Variants in RBSN observed in about 807,000 individuals in gnomAD.
RBSN encodes the protein rabenosyn-5.
RBSN carries 34 observed loss-of-function variants against 60.5 expected under a neutral mutation model. The observed-to-expected ratio is 0.56, with a 90% CI of 0.43 to 0.75. The LOEUF is 0.75. Among genes scored for constraint, RBSN ranks in the 30% least tolerant of loss-of-function variants. RBSN has a pLI of 0.00. For missense variants in RBSN, 845 were observed against 986.8 expected, an observed-to-expected ratio of 0.86 and a Z score of 1.92; for synonymous variants, 322 against 366.9, an observed-to-expected ratio of 0.88 and a Z score of 1.40.
Position 15,074,799 on chromosome 3 carries a change from C to T in RBSN, c.1338G>A (p.Leu446=), listed in dbSNP as rs1164383668. 2 of 1,614,254 alleles carry T rather than the reference C, an allele frequency of 1.2e-6. No individual in the cohort carries two copies. Among genetic ancestry groups the T allele is most frequent in the African/African-American group, 1.3e-5 (1 of 75,082 alleles). ...CCTCACTCTGCCCCTGACCTCCTGA[C>T]AGTGGGAGCCAGCCCTCAGCCTTTC... ...PLRKAEGWLP[L]SGGQGQSEDS... Residue 446 remains leucine (L), a synonymous_variant, in exon 14 of 14, where the codon CTG becomes CTA. Coordinates refer to ENST00000253699, the MANE Select transcript of RBSN (RefSeq NM_022340.4). The surrounding 1 kb of genome is among the most constrained non-coding windows in gnomAD (Gnocchi z 6.4).
intron 4 of RBSN, among the ~76,000 whole-genome samples, chr3:15,092,752 T>C (rs1229642707): frequency 6.6e-6 from 1 of 152,178 alleles, no homozygotes; most frequent in East Asian, 1.9e-4. Flanking sequence ...GAAAACTGCC[T>C]GATGTGAACA....
chr3:15,090,596 C>A, intron 4 of RBSN, 57 bp from the exon 5 acceptor site: 3 of 1,556,188 alleles, frequency 1.9e-6, no homozygotes, highest in Admixed American at 2.1e-5. Flanking sequence ...AGTAAACAGT[C>A]AAAAGAAATC....
In RBSN at chr3:15,084,275, C is replaced by T. The variant is rs9856371; in HGVS notation, c.598+460G>A. Among the ~76,000 whole-genome samples, 1,684 of 152,236 alleles carry T rather than the reference C, an allele frequency of 0.011. 26 individuals are homozygous for T. The highest frequency in any genetic ancestry group is 0.037 in the African/African-American group (1,555 of 41,534). ...CTAGGACTACAGGCACATGCCACCA[C>T]GCCAGGCTAATTTTTGTATTTTTAT... is the stretch of plus-strand genomic sequence containing the variant. On this transcript the variant is annotated intron_variant, in intron 8 of 13. Transcript: ENST00000253699. This position sits in a 1 kb window ranked among gnomAD's most constrained non-coding sequence, Gnocchi z 4.2.
rs1285756121 is a variant in RBSN, at chr3:15,071,345, C to T, written c.*2437G>A. 2 of 152,224 alleles carry T rather than the reference C, an allele frequency of 1.3e-5. No individual in the cohort carries two copies. Among genetic ancestry groups the T allele is most frequent in the Non-Finnish European group, 2.9e-5 (2 of 68,026 alleles). 9.4% of individuals were successfully genotyped at this position (152,224 alleles called of 1,614,324 possible). On this transcript the variant is annotated 3_prime_UTR_variant, in exon 14 of 14. Transcript: ENST00000253699. ...GGAACTACCTGCTTTTCAGTTCATC[C>T]TCTTTTCAGAGAAATGAGACCCTAA...
Position 15,090,547 on chromosome 3 carries a change from A to G in RBSN, c.149-8T>C. ...TAGCCTTCTGGACAAGACCTTGAAAAATGGAACAAATAATACAAATGAGCC... is the reference window on the plus strand; with the variant it reads ...TAGCCTTCTGGACAAGACCTTGAAAGATGGAACAAATAATACAAATGAGCC... On this transcript the variant is annotated splice_region_variant and splice_polypyrimidine_tract_variant and intron_variant, in intron 4 of 13. Transcript: ENST00000253699. 1 of 1,613,100 alleles carries G rather than the reference A, an allele frequency of 6.2e-7. No individual in the cohort carries two copies. Among genetic ancestry groups the G allele is most frequent in the Non-Finnish European group, 8.5e-7 (1 of 1,179,764 alleles).
rs2043288492 is a variant in RBSN, at chr3:15,084,578, G to A, written c.598+157C>T. Reference sequence around the variant, plus strand: ...TCCCTGGCCCCTAGCATAGTACCTAGTCTGTAGTGGGTTTCACAGAAACAG... The same window carrying A: ...TCCCTGGCCCCTAGCATAGTACCTAATCTGTAGTGGGTTTCACAGAAACAG... On this transcript the variant is annotated intron_variant, in intron 8 of 13. Transcript: ENST00000253699. The surrounding 1 kb of genome is among the most constrained non-coding windows in gnomAD (Gnocchi z 4.2). 6.6e-6 allele frequency among the ~76,000 whole-genome samples: 1 copy of A among 152,172 alleles called. No individual in the cohort carries two copies. Among genetic ancestry groups the A allele is most frequent in the African/African-American group, 2.4e-5 (1 of 41,434 alleles).
chr3:15,090,290 T>C, intron 5 of RBSN, 109 bp downstream of exon 5: 2 of 1,225,644 alleles, frequency 1.6e-6, no homozygotes, highest in Non-Finnish European at 2.3e-6. Flanking sequence ...ATGAGAAGCT[T>C]AGACCATTAT....
At position 15,079,953 on chromosome 3, in the gene RBSN, A is replaced by G. The variant is rs1439632154; in HGVS notation, c.911+779T>C. On this transcript the variant is annotated intron_variant, in intron 10 of 13. Coordinates refer to ENST00000253699, the MANE Select transcript of RBSN (RefSeq NM_022340.4). ...AACTACATCTCAATTTTAAAAAAGA[A>G]GCAGATGTTGGCCAGACACGGTGGC... Among the ~76,000 whole-genome samples the G allele has an allele frequency of 3.3e-5, 5 of 152,348 alleles. No individual in the cohort carries two copies. In the East Asian group the frequency reaches 7.7e-4, roughly 23 times the overall value.
Position 15,084,958 on chromosome 3 carries a change from A to G in RBSN, c.436+42T>C. 6.2e-7 allele frequency: 1 copy of G among 1,614,128 alleles called. No individual in the cohort carries two copies. Among genetic ancestry groups the G allele is most frequent in the Non-Finnish European group, 8.5e-7 (1 of 1,179,990 alleles). On this transcript the variant is annotated intron_variant, in intron 7 of 13. Transcript: ENST00000253699. This position sits in a 1 kb window ranked among gnomAD's most constrained non-coding sequence, Gnocchi z 4.2. ...TTTAAAGAGAGCTTTGGTCAGGGAA[A>G]AAAAGATAATAAGATGAATGTGAGC...
Position 15,085,042 on chromosome 3 carries a change from T to C in RBSN, c.394A>G (p.Thr132Ala), listed in dbSNP as rs764545082. Residue 132 changes from threonine to alanine, a missense_variant, in exon 7 of 14, where the codon ACT (threonine) becomes GCT (alanine). Coordinates refer to ENST00000253699, the MANE Select transcript of RBSN (RefSeq NM_022340.4). ...NKLIIRLEKL[T>A]AFDRTNTESA... ...TCAGTATTTGTTCTGTCAAATGCAG[T>C]GAGCTGACCGGAAGAAAATAGTGCC... 7 of 1,614,242 alleles carry C rather than the reference T, an allele frequency of 4.3e-6. No individual in the cohort carries two copies. The highest frequency in any genetic ancestry group is 5.9e-6 in the Non-Finnish European group (7 of 1,180,036).
Position 15,096,166 on chromosome 3 carries a change from G to C in RBSN, c.-46C>G, listed in dbSNP as rs368225849. On this transcript the variant is annotated 5_prime_UTR_variant, in exon 4 of 14. Transcript: ENST00000253699. ...TAGGAAGGCAGGAATCTCATGCCAA[G>C]AGTCAGCTTGATTCCTCCCAAGGAA... 3 of 1,517,618 alleles carry C rather than the reference G, an allele frequency of 2.0e-6. No homozygotes were observed. In the African/African-American group the frequency reaches 4.2e-5, roughly 21 times the overall value. The allele number at this position is 1,517,618 out of a possible 1,614,324, so 94.0% of individuals were successfully genotyped here. A position where few individuals can be genotyped will look rare whatever the true frequency, so the allele number is the denominator to read the frequency against.
intron 10 of RBSN, among the ~76,000 whole-genome samples, chr3:15,078,805 T>C (rs1222625155): frequency 6.2e-5 from 7 of 112,952 alleles, no homozygotes; most frequent in African/African-American, 1.9e-4. Context: ...TATATATATA[T>C]ATATATATAT....
Position 15,077,891 on chromosome 3 carries a change from CCTT to C in RBSN, c.998+181_998+183del, listed in dbSNP as rs2125157140. On this transcript the variant is annotated intron_variant, in intron 11 of 13. Transcript: ENST00000253699. The surrounding 1 kb of genome is among the most constrained non-coding windows in gnomAD (Gnocchi z 4.4). ...TTTAATAATAGCAAACATTAGAAAT[CCTT>C]AACGAAACAAAAGTCACTGAGATGC... 6.6e-6 allele frequency among the ~76,000 whole-genome samples: 1 copy of C among 152,318 alleles called. No homozygotes were observed. Among genetic ancestry groups the C allele is most frequent in the African/African-American group, 2.4e-5 (1 of 41,576 alleles).
intron 12 of RBSN, among the ~76,000 whole-genome samples, chr3:15,076,631 C>T (rs1390684636): frequency 6.6e-6 from 1 of 152,148 alleles, no homozygotes; most frequent in Non-Finnish European, 1.5e-5. Context: ...CAGCTGATGG[C>T]TCAAGAAGAG....
At chr3:15,090,890 A>G (rs1290784968) in intron 4 of RBSN, among the ~76,000 whole-genome samples, 1 of 152,142 alleles carries the variant, frequency 6.6e-6, no homozygotes, top group African/African-American at 2.4e-5. Flanking sequence ...CTTTATCTTA[A>G]TTGGAGTGGT....
rs973667216 is a variant in RBSN at position 15,094,429 on chromosome 3, C to T, written c.148+1544G>A. Among the ~76,000 whole-genome samples the T allele has an allele frequency of 7.2e-5, 11 of 152,336 alleles. No individual in the cohort carries two copies. The East Asian group carries it at 2.1e-3, about 29-fold the overall frequency. Reference sequence around the variant, plus strand: ...TTACAGATGACAGAAGACCTACGTTCCAGGCCTAGCTCTGCCAATTCCTGT... The same window carrying T: ...TTACAGATGACAGAAGACCTACGTTTCAGGCCTAGCTCTGCCAATTCCTGT... On this transcript the variant is annotated intron_variant, in intron 4 of 13. Coordinates refer to ENST00000253699, the MANE Select transcript of RBSN (RefSeq NM_022340.4).
Position 15,082,493 on chromosome 3 carries a change from G to C in RBSN, c.714C>G (p.Ser238Arg). 1 of 1,614,184 alleles carries C rather than the reference G, an allele frequency of 6.2e-7. No homozygotes were observed. The change falls in exon 9 of 14, where the codon AGC becomes AGG. Residue 238 changes from serine to arginine, a missense_variant. By Grantham distance (110) the Ser-to-Arg change is moderately radical (BLOSUM62 -1). Coordinates refer to ENST00000253699, the MANE Select transcript of RBSN (RefSeq NM_022340.4). This position sits in a 1 kb window ranked among gnomAD's most constrained non-coding sequence, Gnocchi z 4.2. ...CATCGTCCTTCTCATCCAGGACCGAGCTGACACTGCTCATGCTGCTGATGC... is the reference window on the plus strand; with the variant it reads ...CATCGTCCTTCTCATCCAGGACCGACCTGACACTGCTCATGCTGCTGATGC... The part of the protein sequence containing the change: ...RGSISSMSSV[S>R]SVLDEKDDDR...
chr3:15,091,337 A>C, intron 4 of RBSN: 1 of 1,045,416 alleles, frequency 9.6e-7, no homozygotes, highest in Non-Finnish European at 1.2e-6. Context: ...CTTCTCATTT[A>C]CCTCCAGGAT....
At chr3:15,087,579 C>A (rs1348983179) in intron 5 of RBSN, among the ~76,000 whole-genome samples, 1 of 152,172 alleles carries the variant, frequency 6.6e-6, no homozygotes, top group African/African-American at 2.4e-5. Context: ...TTCCTCCCGG[C>A]TGAAATTTTG....
Sources: gnomAD v4.1 joint callset for allele counts (sites outside exome capture counted in the v4.1 genomes callset) on GRCh38, gnomAD v4.1.1 for gene constraint, Gnocchi (gnomAD v3.1) non-coding constraint, MANE v1.5 for transcripts, NCBI Gene and HGNC (gene_info 2026-07-23, HGNC 2026-07-21) for gene names.